The following PEAK1 variants were observed in gnomAD, a reference collection of about 807,000 sequenced individuals.
PEAK1 encodes pseudopodium enriched atypical kinase 1, also known as inactive tyrosine-protein kinase PEAK1.
PEAK1 carries 54 observed loss-of-function variants against 124.7 expected under a neutral mutation model. The observed-to-expected ratio is 0.43, with a 90% CI of 0.35 to 0.54. PEAK1 has a LOEUF of 0.54. Ranked by LOEUF, PEAK1 falls within the 20% of genes least tolerant of loss-of-function variation. PEAK1 has a pLI of 0.01. For synonymous variants in PEAK1, 719 were observed against 760.0 expected, an observed-to-expected ratio of 0.95 and a Z score of 0.89; for missense variants, 2,046 against 2,134.5, an observed-to-expected ratio of 0.96 and a Z score of 0.82.
chr15:77,133,296 G>A lies in PEAK1; in HGVS notation c.3786C>T (p.Cys1262=). ...ESLSSRRGPS[C]RQGRGIQKPQ... ...GCTTCTGGATGCCTCGGCCCTGTCT[G>A]CAAGAGGGCCCACGCCGGCTGGAGA... Residue 1262 remains cysteine (C), a synonymous_variant, in exon 9 of 10, where the codon TGC becomes TGT. Coordinates refer to ENST00000682557, the MANE Select transcript of PEAK1 (RefSeq NM_001385026.1). The surrounding 1 kb of genome is among the most constrained non-coding windows in gnomAD (Gnocchi z 4.2). 1 of 1,614,254 alleles carries A rather than the reference G, an allele frequency of 6.2e-7. No individual in the cohort carries two copies. Among genetic ancestry groups the A allele is most frequent in the Non-Finnish European group, 8.5e-7 (1 of 1,180,040 alleles).
intron 1 of PEAK1, among the ~76,000 whole-genome samples, chr15:77,388,123 G>A (rs1185580451): frequency 6.6e-6 from 1 of 152,092 alleles, no homozygotes; most frequent in Admixed American, 6.6e-5. Flanking sequence ...GAGCCCAAGA[G>A]GTAAAAGCTG....
rs911859605 is a variant in PEAK1 at position 77,349,415 on chromosome 15, G to C, written c.-603+15748C>G. ...ATGTTGTATTTAAGAGAGTCAATCAGTTTAACATAAAAATGTTCATAATAG... is the reference window on the plus strand; with the variant it reads ...ATGTTGTATTTAAGAGAGTCAATCACTTTAACATAAAAATGTTCATAATAG... On this transcript the variant is annotated intron_variant, in intron 2 of 9. Transcript: ENST00000682557. The C allele has an allele frequency of 7.2e-6, 7 of 978,736 alleles. No individual in the cohort carries two copies. In the African/African-American group the frequency reaches 8.8e-5, roughly 12 times the overall value. 60.6% of individuals were successfully genotyped at this position (978,736 alleles called of 1,614,324 possible). A position where few individuals can be genotyped will look rare whatever the true frequency, so the allele number is the denominator to read the frequency against.
intron 5 of PEAK1, among the ~76,000 whole-genome samples, chr15:77,272,388 A>G (rs1399749747): frequency 1.3e-5 from 2 of 152,240 alleles, no homozygotes; most frequent in African/African-American, 4.8e-5. Flanking sequence ...GAAAGAAGAG[A>G]GAAGATCCAA....
chr15:77,197,389 C>G (rs1276053886), intron 6 of PEAK1, among the ~76,000 whole-genome samples: 1 of 152,094 alleles, frequency 6.6e-6, no homozygotes, highest in Non-Finnish European at 1.5e-5. Context: ...ATTATCCAAA[C>G]AGAATTTAAT....
At chr15:77,187,200 T>C (rs908000001) in intron 6 of PEAK1, among the ~76,000 whole-genome samples, 4 of 152,118 alleles carry the variant, frequency 2.6e-5, no homozygotes, top group Non-Finnish European at 4.4e-5. Context: ...CCCTAGGAGG[T>C]AGCCAGGATT....
chr15:77,286,753 A>G (rs2062951335), intron 2 of PEAK1, among the ~76,000 whole-genome samples: 1 of 152,216 alleles, frequency 6.6e-6, no homozygotes. Flanking sequence ...TTTGTTCCTT[A>G]CTTCAAAAAA....
At chr15:77,255,022 T>C (rs945762708) in intron 5 of PEAK1, among the ~76,000 whole-genome samples, 1 of 152,184 alleles carries the variant, frequency 6.6e-6, no homozygotes, top group Non-Finnish European at 1.5e-5. Context: ...GAGGAGATGA[T>C]GCCAAGTTGA....
intron 6 of PEAK1, among the ~76,000 whole-genome samples, chr15:77,211,750 A>G (rs1274373219): frequency 6.7e-6 from 1 of 148,596 alleles, no homozygotes; most frequent in Non-Finnish European, 1.5e-5. Context: ...CAGGAGGCTG[A>G]GGCAGGAGAA....
At chr15:77,239,850 A>G in intron 6 of PEAK1, 2 of 985,154 alleles carry the variant, frequency 2.0e-6, no homozygotes, top group African/African-American at 3.5e-5. Context: ...AAATCACACA[A>G]CTGCTCAATT....
intron 7 of PEAK1, among the ~76,000 whole-genome samples, chr15:77,164,059 G>GA (rs1361390310): frequency 6.6e-6 from 1 of 152,126 alleles, no homozygotes; most frequent in Non-Finnish European, 1.5e-5. Context: ...CTGAAAGGGA[G>GA]AAAAAACAAA....
chr15:77,245,157 G>A (rs1269512853), intron 6 of PEAK1, among the ~76,000 whole-genome samples: 1 of 151,956 alleles, frequency 6.6e-6, no homozygotes, highest in East Asian at 1.9e-4. Flanking sequence ...CAAGGTATAG[G>A]CCAAGTATCT....
In PEAK1 at chr15:77,213,861, C is replaced by A. The variant is rs191763953; in HGVS notation, c.-114-31821G>T. ...TTATTATTTGTATACAATTGTATAA[C>A]CAACATAACAATGAAGATATAGAAC... On this transcript the variant is annotated intron_variant, in intron 6 of 9. Transcript: ENST00000682557. 4.2e-3 allele frequency among the ~76,000 whole-genome samples: 638 copies of A among 152,126 alleles called. 6 individuals are homozygous for A. Among genetic ancestry groups the A allele is most frequent in the South Asian group, 0.023 (113 of 4,824 alleles).
intron 9 of PEAK1, among the ~76,000 whole-genome samples, chr15:77,127,168 T>C (rs766377396): frequency 6.6e-6 from 1 of 152,220 alleles, no homozygotes; most frequent in African/African-American, 2.4e-5. Flanking sequence ...TCTCTCCCTG[T>C]CATGTAAGGG....
At chr15:77,305,198 G>A (rs1251843935) in intron 2 of PEAK1, among the ~76,000 whole-genome samples, 19 of 122,612 alleles carry the variant, frequency 1.5e-4, no homozygotes, top group African/African-American at 5.9e-4. Context: ...AGGGAGGGAC[G>A]GAAGGAGGGA....
chr15:77,304,630 A>G (rs1157570346), intron 2 of PEAK1, among the ~76,000 whole-genome samples: 1 of 151,746 alleles, frequency 6.6e-6, no homozygotes, highest in East Asian at 1.9e-4. Flanking sequence ...TTGTATTTTT[A>G]GTAGAGATGG....
intron 1 of PEAK1, among the ~76,000 whole-genome samples, chr15:77,391,439 C>G (rs573875661): frequency 1.1e-5 from 1 of 89,018 alleles, no homozygotes; most frequent in South Asian, 3.9e-4. Context: ...GATTTAAATA[C>G]AAGAGGAAAG....
intron 6 of PEAK1, among the ~76,000 whole-genome samples, chr15:77,192,963 G>A (rs891959236): frequency 7.2e-5 from 11 of 152,190 alleles, no homozygotes; most frequent in South Asian, 6.2e-4. Flanking sequence ...ACAGATCAAG[G>A]TGTATACGCA....
At chr15:77,152,867 G>A (rs1164502659) in intron 8 of PEAK1, among the ~76,000 whole-genome samples, 1 of 152,114 alleles carries the variant, frequency 6.6e-6, no homozygotes, top group Non-Finnish European at 1.5e-5. Flanking sequence ...TAAGCTTTTT[G>A]ATGTGCTGCT....
chr15:77,200,538 T>C (rs2058313932), intron 6 of PEAK1, among the ~76,000 whole-genome samples: 1 of 152,196 alleles, frequency 6.6e-6, no homozygotes, highest in South Asian at 2.1e-4. Flanking sequence ...GCCCAGGTAC[T>C]TTATAAACAT....
Sources: allele counts gnomAD v4.1 joint callset (sites outside exome capture counted in the v4.1 genomes callset), GRCh38; gene constraint gnomAD v4.1.1; non-coding constraint Gnocchi (gnomAD v3.1); transcripts MANE v1.5; gene names NCBI Gene and HGNC (gene_info 2026-07-23, HGNC 2026-07-21).